The following ZNF134 variants were observed in gnomAD, a reference collection of about 807,000 sequenced individuals.
The protein encoded by ZNF134 is zinc finger protein 134.
In ZNF134, 5 loss-of-function variants were observed where a neutral mutation model predicts 2.5. That is an observed-to-expected ratio of 2.03 (90% CI 1.06 to 4.27). ZNF134 has a LOEUF of 4.27. ZNF134 is among the 30% of genes most tolerant of loss of function. The pLI, the probability that ZNF134 is intolerant of heterozygous loss-of-function variation, is 0.00. For missense variants in ZNF134, 540 were observed against 517.5 expected (o/e 1.04, Z -0.42); for synonymous variants, 176 against 176.2 (o/e 1.00, Z 0.01).
rs931974660 is a variant in ZNF134 at position 57,621,224 on chromosome 19, G to T, written c.1105G>T (p.Glu369Ter). The T allele has an allele frequency of 1.9e-5, 30 of 1,614,072 alleles. No homozygotes were observed. The highest frequency in any genetic ancestry group is 2.5e-5 in the Non-Finnish European group (29 of 1,180,034). The change falls in exon 3 of 3, where the codon GAA becomes TAA. Residue 369 changes from glutamate (E) to a stop codon, truncating the protein, a stop_gained. Coordinates refer to ENST00000396161, the MANE Select transcript of ZNF134 (RefSeq NM_003435.5). LOFTEE classifies it low-confidence loss of function (END_TRUNC). ...YIAHQRVHTG[E>*]RPFVCSKCGK... ...TGCACACCAGAGGGTTCACACTGGT[G>T]AAAGGCCTTTTGTGTGCAGTAAATG...
chr19:57,620,718 G>C lies in ZNF134; in HGVS notation c.599G>C (p.Gly200Ala). 6.2e-7 allele frequency: 1 copy of C among 1,611,226 alleles called. No individual in the cohort carries two copies. The highest frequency in any genetic ancestry group is 1.3e-5 in the African/African-American group (1 of 75,028). The change falls in exon 3 of 3, where the codon GGA (glycine) becomes GCA (alanine). Residue 200 changes from glycine (G) to alanine (A), a missense_variant. Gly to Ala is a moderately conservative substitution (Grantham distance 60). Transcript: ENST00000396161. ...TLVQHQRIHSGEKPYECSECG... is the reference protein window; with the variant it reads ...TLVQHQRIHSAEKPYECSECG... ...GTCCAGCACCAGAGAATTCATAGTGGAGAGAAGCCTTATGAGTGCAGCGAA... is the reference window on the plus strand; with the variant it reads ...GTCCAGCACCAGAGAATTCATAGTGCAGAGAAGCCTTATGAGTGCAGCGAA...
chr19:57,621,390 C>G lies in ZNF134; in HGVS notation c.1271C>G (p.Ala424Gly). The change falls in exon 3 of 3, where the codon GCA becomes GGA. Residue 424 changes from alanine (A) to glycine (G), a missense_variant. By Grantham distance (60) the Ala-to-Gly change is moderately conservative (BLOSUM62 0). Transcript: ENST00000396161. ...AATCGGCACCAGAAAGTTCACACTG[C>G]AGGCAGGCTTTAGGAGTGCTTTGAA... ...HLNRHQKVHT[A>G]GRL 2 of 1,613,504 alleles carry G rather than the reference C, an allele frequency of 1.2e-6. No individual in the cohort carries two copies. The highest frequency in any genetic ancestry group is 2.2e-5 in the South Asian group (2 of 91,082).
At chr19:57,619,155 G>T (rs867568281) in intron 1 of ZNF134, among the ~76,000 whole-genome samples, 1 of 152,086 alleles carries the variant, frequency 6.6e-6, no homozygotes, top group Non-Finnish European at 1.5e-5. Context: ...CCCTGGCCAG[G>T]TGACTGTCCA....
intron 1 of ZNF134, among the ~76,000 whole-genome samples, chr19:57,615,987 A>C (rs138349805): frequency 6.6e-6 from 1 of 152,368 alleles, no homozygotes; most frequent in Non-Finnish European, 1.5e-5. Context: ...TAGTGTCAGC[A>C]AGAGGAGAGG....
Position 57,622,958 on chromosome 19 carries a change from TACACACACACACACACAC to T in ZNF134, c.*1576_*1593del, listed in dbSNP as rs3054108. ...TTAAAGTGTACGAGTTAAGTCTTGA[TACACACACACACACACAC>T]ACACACACACACACACACACTTGAA... On this transcript the variant is annotated 3_prime_UTR_variant, in exon 3 of 3. Coordinates refer to ENST00000396161, the MANE Select transcript of ZNF134 (RefSeq NM_003435.5). 11 of 147,178 alleles carry T rather than the reference TACACACACACACACACAC, an allele frequency of 7.5e-5. No individual in the cohort carries two copies. In the South Asian group the frequency reaches 1.1e-3, roughly 15 times the overall value. 9.1% of individuals were successfully genotyped at this position (147,178 alleles called of 1,614,324 possible).
chr19:57,618,439 G>A (rs1363286726), intron 1 of ZNF134, among the ~76,000 whole-genome samples: 2 of 152,156 alleles, frequency 1.3e-5, no homozygotes, highest in Non-Finnish European at 2.9e-5. Context: ...GAGATGGAGT[G>A]TGAATTCATG....
Position 57,620,644 on chromosome 19 carries a change from T to G in ZNF134, c.525T>G (p.His175Gln), listed in dbSNP as rs773194423. ...SGDAFHGEQMHYKCSECGKAF... is the reference protein window; with the variant it reads ...SGDAFHGEQMQYKCSECGKAF... ...ATGCATTTCATGGTGAACAAATGCA[T>G]TACAAGTGCAGTGAATGTGGGAAAG... Residue 175 changes from histidine to glutamine, a missense_variant, in exon 3 of 3, where the codon CAT becomes CAG. Transcript: ENST00000396161. 3.1e-6 allele frequency: 5 copies of G among 1,614,164 alleles called. No homozygotes were observed. In the East Asian group the frequency reaches 1.1e-4, roughly 36 times the overall value.
chr19:57,624,518 AC>A lies in ZNF134; in HGVS notation c.*3118del, dbSNP rs1316835302. The A allele has an allele frequency of 6.6e-6, 1 of 152,226 alleles. No homozygotes were observed. The highest frequency in any genetic ancestry group is 1.5e-5 in the Non-Finnish European group (1 of 68,048). 9.4% of individuals were successfully genotyped at this position (152,226 alleles called of 1,614,324 possible). On this transcript the variant is annotated 3_prime_UTR_variant, in exon 3 of 3. Transcript: ENST00000396161. ...ACATGTCTGTAACTCTTCCAGGCAAACCCAAATAAGGGAGGAGGGGTGGTAA... is the reference window on the plus strand; with the variant it reads ...ACATGTCTGTAACTCTTCCAGGCAAACCAAATAAGGGAGGAGGGGTGGTAA...
At chr19:57,615,880 TA>T (rs1180573871) in intron 1 of ZNF134, among the ~76,000 whole-genome samples, 1 of 152,148 alleles carries the variant, frequency 6.6e-6, no homozygotes, top group East Asian at 1.9e-4. Flanking sequence ...TTATAGTAAC[TA>T]GGGGCAAGGA....
rs941035071 is a variant in ZNF134, at chr19:57,614,251, A to G, written c.-310A>G. 22 of 423,818 alleles carry G rather than the reference A, an allele frequency of 5.2e-5. No individual in the cohort carries two copies. The highest frequency in any genetic ancestry group is 1.5e-4 in the Admixed American group (6 of 39,216). The allele number at this position is 423,818 out of a possible 1,614,324, so 26.3% of individuals were successfully genotyped here. On this transcript the variant is annotated 5_prime_UTR_variant, in exon 1 of 3. Coordinates refer to ENST00000396161, the MANE Select transcript of ZNF134 (RefSeq NM_003435.5). ...TTCCGGTATCTTCCTCGCGGTGGAC[A>G]TCTTGTCGGCTCTTAGGTGGAACCA...
At position 57,614,265 on chromosome 19, in the gene ZNF134, T is replaced by A. The variant is rs892316443; in HGVS notation, c.-296T>A. ...TCGCGGTGGACATCTTGTCGGCTCT[T>A]AGGTGGAACCATCGGAGCAGAAGCT... On this transcript the variant is annotated 5_prime_UTR_variant, in exon 1 of 3. Transcript: ENST00000396161. The A allele has an allele frequency of 4.5e-6, 2 of 443,738 alleles. No homozygotes were observed. Among genetic ancestry groups the A allele is most frequent in the African/African-American group, 2.0e-5 (1 of 49,174 alleles). 27.5% of individuals were successfully genotyped at this position (443,738 alleles called of 1,614,324 possible). A position where few individuals can be genotyped will look rare whatever the true frequency, so the allele number is the denominator to read the frequency against.
At position 57,620,973 on chromosome 19, in the gene ZNF134, C is replaced by A. The variant is rs745854294; in HGVS notation, c.854C>A (p.Ala285Glu). Residue 285 changes from alanine to glutamate, a missense_variant, in exon 3 of 3, where the codon GCA becomes GAA. Physicochemically the swap from Ala to Glu is moderately radical, Grantham distance 107. Coordinates refer to ENST00000396161, the MANE Select transcript of ZNF134 (RefSeq NM_003435.5). ...GTACACCAGAGAGTTCACAATGGAG[C>A]AAGGCCTTATAAGTGCAGTGATTGT... ...LIVHQRVHNG[A>E]RPYKCSDCGK... 1 of 1,614,070 alleles carries A rather than the reference C, an allele frequency of 6.2e-7. No individual in the cohort carries two copies. The highest frequency in any genetic ancestry group is 1.1e-5 in the South Asian group (1 of 91,078).
At chr19:57,619,005 C>T (rs116193782) in intron 1 of ZNF134, 304 of 198,538 alleles carry the variant, frequency 1.5e-3, no homozygotes, top group African/African-American at 6.9e-3. Context: ...CACATAGGTC[C>T]CCTGGGTGCC....
In ZNF134 at chr19:57,621,090, C is replaced by A; in HGVS notation, c.971C>A (p.Ser324Tyr). The A allele has an allele frequency of 6.2e-7, 1 of 1,614,214 alleles. No homozygotes were observed. The highest frequency in any genetic ancestry group is 8.5e-7 in the Non-Finnish European group (1 of 1,180,046). ...TATGATTGCAGTGATTGTGGGAAAT[C>A]CTTTGGCCACAAATACACCCTCATT... is the stretch of plus-strand genomic sequence containing the variant. ...NPYDCSDCGK[S>Y]FGHKYTLIKH... The change falls in exon 3 of 3, where the codon TCC becomes TAC. Residue 324 changes from serine to tyrosine, a missense_variant. By Grantham distance (144) the Ser-to-Tyr change is moderately radical. Coordinates refer to ENST00000396161, the MANE Select transcript of ZNF134 (RefSeq NM_003435.5).
At position 57,620,233 on chromosome 19, in the gene ZNF134, T is replaced by C. The variant is rs1347725942; in HGVS notation, c.114T>C (p.Asn38=). 2 of 1,614,140 alleles carry C rather than the reference T, an allele frequency of 1.2e-6. No homozygotes were observed. The highest frequency in any genetic ancestry group is 2.7e-5 in the African/African-American group (2 of 74,954). ...TTTCTATAGCAGTGTCACATGTTAA[T>C]ACTTCCAAGGCAGGTTTGCCCGCAC... The part of the protein sequence containing the change: ...QSISIAVSHV[N]TSKAGLPAQT... The change falls in exon 3 of 3, where the codon AAT becomes AAC. Residue 38 remains asparagine, a synonymous_variant. Coordinates refer to ENST00000396161, the MANE Select transcript of ZNF134 (RefSeq NM_003435.5).
intron 1 of ZNF134, among the ~76,000 whole-genome samples, chr19:57,616,519 C>G (rs1419384263): frequency 1.3e-5 from 2 of 152,188 alleles, no homozygotes; most frequent in African/African-American, 4.8e-5. Context: ...CAAACAGTAG[C>G]CCTATGAGGT....
Position 57,624,692 on chromosome 19 carries a change from G to A in ZNF134, c.*3289G>A, listed in dbSNP as rs1981326992. ...ACACTTCTCTCTTGTGTGTACTTTTGCTTCACAATAAAAGCTGCTTGCCTT... is the reference window on the plus strand; with the variant it reads ...ACACTTCTCTCTTGTGTGTACTTTTACTTCACAATAAAAGCTGCTTGCCTT... On this transcript the variant is annotated 3_prime_UTR_variant, in exon 3 of 3. Coordinates refer to ENST00000396161, the MANE Select transcript of ZNF134 (RefSeq NM_003435.5). The A allele has an allele frequency of 1.3e-5, 2 of 152,164 alleles. No individual in the cohort carries two copies. Among genetic ancestry groups the A allele is most frequent in the Admixed American group, 1.3e-4 (2 of 15,278 alleles). The allele number at this position is 152,164 out of a possible 1,614,324, so 9.4% of individuals were successfully genotyped here.
In ZNF134 at chr19:57,620,226, A is replaced by C; in HGVS notation, c.107A>C (p.His36Pro). 1 of 1,614,220 alleles carries C rather than the reference A, an allele frequency of 6.2e-7. No homozygotes were observed. Among genetic ancestry groups the C allele is most frequent in the Non-Finnish European group, 8.5e-7 (1 of 1,180,028 alleles). The change falls in exon 3 of 3, where the codon CAT (histidine) becomes CCT (proline). Residue 36 changes from histidine to proline, a missense_variant. Transcript: ENST00000396161. Reference sequence around the variant, plus strand: ...CAGAGCATTTCTATAGCAGTGTCACATGTTAATACTTCCAAGGCAGGTTTG... The same window carrying C: ...CAGAGCATTTCTATAGCAGTGTCACCTGTTAATACTTCCAAGGCAGGTTTG... ...SEQSISIAVS[H>P]VNTSKAGLPA... is the part of the protein sequence containing the mutation.
chr19:57,619,551 C>G, intron 2 of ZNF134, 43 bp downstream of exon 2: 1 of 1,551,336 alleles, frequency 6.4e-7, no homozygotes, highest in Non-Finnish European at 8.7e-7. Flanking sequence ...GGGCTGGGTT[C>G]CTGTAGTTCC....
Sources: gnomAD v4.1 joint callset for allele counts (sites outside exome capture counted in the v4.1 genomes callset) on GRCh38, gnomAD v4.1.1 for gene constraint, MANE v1.5 for transcripts, NCBI Gene and HGNC (gene_info 2026-07-23, HGNC 2026-07-21) for gene names.